Variants in SCAMP1 observed in about 807,000 individuals in gnomAD.
The protein encoded by SCAMP1 is secretory carrier-associated membrane protein 1.
In SCAMP1, 15 loss-of-function variants were observed where a neutral mutation model predicts 41.8. The observed-to-expected ratio is 0.36, with a 90% CI of 0.24 to 0.55. The LOEUF (loss-of-function observed/expected upper bound fraction) is 0.55, where lower values mean the gene tolerates loss of function less well. Ranked by LOEUF, SCAMP1 falls within the 20% of genes least tolerant of loss-of-function variation. SCAMP1 has a pLI of 0.86. For missense variants in SCAMP1, 341 were observed against 412.6 expected (o/e 0.83, Z 1.50); for synonymous variants, 135 against 136.8 (o/e 0.99, Z 0.09).
intron 2 of SCAMP1, among the ~76,000 whole-genome samples, chr5:78,392,977 A>T (rs992442110): frequency 2.0e-5 from 3 of 152,276 alleles, no homozygotes; most frequent in Admixed American, 6.5e-5. Context: ...TTGTATCAGG[A>T]TATGGTGAGC....
In SCAMP1 at chr5:78,480,379, CTA is replaced by C. The variant is rs1303419683; in HGVS notation, c.*4712_*4713del. The stretch of plus-strand genomic sequence containing the variant: ...ACCATACAAGTTTTATTTTTAAATT[CTA>C]GTTATTTTCAGTGCTTACTTAAATG... On this transcript the variant is annotated 3_prime_UTR_variant, in exon 9 of 9. Transcript: ENST00000621999. Among the ~76,000 whole-genome samples the C allele has an allele frequency of 2.0e-5, 3 of 152,144 alleles. No individual in the cohort carries two copies. The highest frequency in any genetic ancestry group is 2.1e-4 in the South Asian group (1 of 4,820).
chr5:78,466,906 G>GA (rs1404531757), intron 8 of SCAMP1, among the ~76,000 whole-genome samples: 1 of 152,126 alleles, frequency 6.6e-6, no homozygotes, highest in East Asian at 1.9e-4. Flanking sequence ...AAGAGAAAAC[G>GA]AGCAGGTAAG....
intron 2 of SCAMP1, among the ~76,000 whole-genome samples, chr5:78,410,279 C>A (rs1400080701): frequency 6.6e-6 from 1 of 152,008 alleles, no homozygotes; most frequent in East Asian, 1.9e-4. Flanking sequence ...GATGCTCTCC[C>A]TTTGCCCACC....
In SCAMP1 at chr5:78,475,912, G is replaced by A; in HGVS notation, c.*244G>A. 1 of 230,540 alleles carries A rather than the reference G, an allele frequency of 4.3e-6. No homozygotes were observed. Among genetic ancestry groups the A allele is most frequent in the Non-Finnish European group, 8.4e-6 (1 of 119,052 alleles). The allele number at this position is 230,540 out of a possible 1,614,324, so 14.3% of individuals were successfully genotyped here. A position where few individuals can be genotyped will look rare whatever the true frequency, so the allele number is the denominator to read the frequency against. On this transcript the variant is annotated 3_prime_UTR_variant, in exon 9 of 9. Coordinates refer to ENST00000621999, the MANE Select transcript of SCAMP1 (RefSeq NM_004866.6). ...CTAAATAAATATTCTCCATATTTTT[G>A]GGGGATGACATTCAGTGAATTATTT... is the stretch of plus-strand genomic sequence containing the variant.
chr5:78,434,850 TA>T (rs1300039325), intron 6 of SCAMP1, among the ~76,000 whole-genome samples: 1 of 152,178 alleles, frequency 6.6e-6, no homozygotes, highest in Non-Finnish European at 1.5e-5. Flanking sequence ...ATAATAAGTA[TA>T]AAAATAACAT....
intron 1 of SCAMP1, among the ~76,000 whole-genome samples, chr5:78,377,975 C>T (rs1751108013): frequency 6.6e-6 from 1 of 152,178 alleles, no homozygotes; most frequent in Non-Finnish European, 1.5e-5. Flanking sequence ...CGTAGCATAA[C>T]ATTTCTGAAC....
At chr5:78,430,738 G>A (rs193292108) in intron 6 of SCAMP1, among the ~76,000 whole-genome samples, 1 of 151,908 alleles carries the variant, frequency 6.6e-6, no homozygotes, top group Non-Finnish European at 1.5e-5. Context: ...TAGAAGCTTA[G>A]GATGTTATGT....
chr5:78,367,237 C>T (rs750807971), intron 1 of SCAMP1, among the ~76,000 whole-genome samples: 12 of 152,196 alleles, frequency 7.9e-5, no homozygotes, highest in Non-Finnish European at 1.5e-5. Flanking sequence ...ATCTTATTTA[C>T]CACTGTCTCA....
rs190280937 is a variant in SCAMP1 at position 78,464,063 on chromosome 5, C to T, written c.852+4701C>T. ...CGCGATCTTGGCTCACTGCAGCCTC[C>T]GCCTCCCGGGTTCAAGCGATTCTCC... On this transcript the variant is annotated intron_variant, in intron 8 of 8. Transcript: ENST00000621999. Among the ~76,000 whole-genome samples the T allele has an allele frequency of 4.6e-3, 694 of 152,218 alleles. 10 individuals carry two copies. Among genetic ancestry groups the T allele is most frequent in the Middle Eastern group, 3.4e-3 (1 of 294 alleles).
At chr5:78,457,462 C>T (rs1289580802) in intron 7 of SCAMP1, among the ~76,000 whole-genome samples, 1 of 152,054 alleles carries the variant, frequency 6.6e-6, no homozygotes, top group Non-Finnish European at 1.5e-5. Context: ...TGTCAGTGTG[C>T]CCCTGCTGGG....
chr5:78,456,304 A>G (rs1283699585), intron 7 of SCAMP1, among the ~76,000 whole-genome samples: 12 of 150,416 alleles, frequency 8.0e-5, no homozygotes, highest in Non-Finnish European at 1.8e-4. Flanking sequence ...TTTTGGCATG[A>G]TTTTGCAGCG....
At chr5:78,370,096 T>C (rs1339457215) in intron 1 of SCAMP1, among the ~76,000 whole-genome samples, 1 of 152,236 alleles carries the variant, frequency 6.6e-6, no homozygotes, top group Non-Finnish European at 1.5e-5. Context: ...TGTATATATC[T>C]TTAAAATATT....
chr5:78,384,841 A>AATTTGGTTAACTAGT (rs1196942282), intron 1 of SCAMP1, among the ~76,000 whole-genome samples: 1 of 151,944 alleles, frequency 6.6e-6, no homozygotes, highest in African/African-American at 2.4e-5. Context: ...TATGCTGTTG[A>AATTTGGTTAACTAGT]ATTTGGTTAA....
chr5:78,368,723 A>G (rs1218019224), intron 1 of SCAMP1, among the ~76,000 whole-genome samples: 2 of 152,194 alleles, frequency 1.3e-5, no homozygotes, highest in African/African-American at 4.8e-5. Flanking sequence ...AGGAAGAACA[A>G]TTTAAGTTTC....
At chr5:78,428,823 T>C (rs1752528998) in intron 6 of SCAMP1, among the ~76,000 whole-genome samples, 2 of 152,136 alleles carry the variant, frequency 1.3e-5, no homozygotes, top group Admixed American at 1.3e-4. Flanking sequence ...ACAAATCTTA[T>C]ACTTCTGTTG....
chr5:78,380,113 C>A (rs1407913404), intron 1 of SCAMP1, among the ~76,000 whole-genome samples: 1 of 152,196 alleles, frequency 6.6e-6, no homozygotes, highest in African/African-American at 2.4e-5. Flanking sequence ...GCCCATAGCA[C>A]TTTTATATCT....
At chr5:78,455,345 A>G (rs1753362433) in intron 7 of SCAMP1, among the ~76,000 whole-genome samples, 1 of 128,556 alleles carries the variant, frequency 7.8e-6, no homozygotes, top group Admixed American at 7.5e-5. Context: ...CCCTCTACAC[A>G]CTGCTTTGAA....
intron 8 of SCAMP1, among the ~76,000 whole-genome samples, chr5:78,473,976 CA>C (rs1753945177): frequency 6.6e-6 from 1 of 151,806 alleles, no homozygotes; most frequent in Non-Finnish European, 1.5e-5. Flanking sequence ...TTCAGTATCT[CA>C]GGGGGGCCAA....
Position 78,379,318 on chromosome 5 carries a change from A to T in SCAMP1, c.58-9519A>T, listed in dbSNP as rs1336100659. ...GTAGGCGTCAATATCATTTATCGTT[A>T]CTTAATTCTTTTTCAGTTTTGTTGT... On this transcript the variant is annotated intron_variant, in intron 1 of 8. Coordinates refer to ENST00000621999, the MANE Select transcript of SCAMP1 (RefSeq NM_004866.6). Among the ~76,000 whole-genome samples, 5 of 152,172 alleles carry T rather than the reference A, an allele frequency of 3.3e-5. No homozygotes were observed. The East Asian group carries it at 9.6e-4, about 29-fold the overall frequency.
Sources: allele counts gnomAD v4.1 joint callset (sites outside exome capture counted in the v4.1 genomes callset), GRCh38; gene constraint gnomAD v4.1.1; transcripts MANE v1.5; gene names NCBI Gene and HGNC (gene_info 2026-07-23, HGNC 2026-07-21).